DNAH17: variants seen among roughly 807,000 people sequenced by gnomAD.
DNAH17 encodes dynein axonemal heavy chain 17.
DNAH17 carries 376 observed loss-of-function variants against 485.6 expected under a neutral mutation model. That is an observed-to-expected ratio of 0.77 (90% confidence interval 0.71 to 0.84). DNAH17 has a LOEUF of 0.84. Ranked by LOEUF, DNAH17 falls within the 40% of genes least tolerant of loss-of-function variation. The pLI, the probability that DNAH17 is intolerant of heterozygous loss-of-function variation, is 0.00. For synonymous variants in DNAH17, 3,031 were observed against 2,405.9 expected (o/e 1.26, Z -7.60); for missense variants, 6,370 against 5,839.3 (o/e 1.09, Z -2.96).
rs757073890 is a variant in DNAH17, at chr17:78,425,397, T to C, written c.13090A>G (p.Met4364Val). The part of the protein sequence containing the change: ...VEVTKKNRED[M>V]TAPPREGSYV... ...GAGCCCTCTCGCGGAGGAGCGGTCA[T>C]GTCCTCTCGGTTTTTCTTGGTCACC... Residue 4364 changes from methionine to valine, a missense_variant, in exon 80 of 81, where the codon ATG becomes GTG. Coordinates refer to ENST00000389840, the MANE Select transcript of DNAH17 (RefSeq NM_173628.4). 6.8e-6 allele frequency: 11 copies of C among 1,614,040 alleles called. No individual in the cohort carries two copies. Among genetic ancestry groups the C allele is most frequent in the Middle Eastern group, 1.6e-4 (1 of 6,062 alleles).
chr17:78,459,655 G>A (rs2087996065), intron 60 of DNAH17, 129 bp downstream of exon 60: 2 of 985,258 alleles, frequency 2.0e-6, no homozygotes, highest in South Asian at 1.6e-5. Context: ...TGCTGTATGG[G>A]GAAGGGGCTG....
intron 17 of DNAH17, among the ~76,000 whole-genome samples, chr17:78,542,497 C>T (rs1338738652): frequency 6.6e-6 from 1 of 152,182 alleles, no homozygotes; most frequent in Admixed American, 6.5e-5. Context: ...CAATGCAAAG[C>T]TCCACCTTTC....
Position 78,548,202 on chromosome 17 carries a change from C to CTTTTTTTTTTTT in DNAH17, c.2391+3321_2391+3332dup, listed in dbSNP as rs34701814. ...GTTGTTATTTCGTAGATGTCATGGC[C>CTTTTTTTTTTTT]TTTTTTTTTTTTTTTTTTTGGAGAC... On this transcript the variant is annotated intron_variant, in intron 16 of 80. Transcript: ENST00000389840. 4.2e-3 allele frequency among the ~76,000 whole-genome samples: 335 copies of CTTTTTTTTTTTT among 80,120 alleles called. 47 individuals carry two copies. Among genetic ancestry groups the CTTTTTTTTTTTT allele is most frequent in the African/African-American group, 0.011 (213 of 18,720 alleles). 52.6% of individuals were successfully genotyped at this position (80,120 alleles called of 152,430 possible). A position where few individuals can be genotyped will look rare whatever the true frequency, so the allele number is the denominator to read the frequency against.
At chr17:78,455,095 A>T (rs1598477330) in intron 63 of DNAH17, among the ~76,000 whole-genome samples, 1 of 152,294 alleles carries the variant, frequency 6.6e-6, no homozygotes, top group East Asian at 1.9e-4. Flanking sequence ...GTTTTAGTAG[A>T]GACGAGGTTT....
Position 78,449,930 on chromosome 17 carries a change from C to T in DNAH17, c.11040+324G>A, listed in dbSNP as rs374660483. The T allele has an allele frequency of 3.0e-4, 136 of 451,124 alleles. 1 individual carries two copies. Among genetic ancestry groups the T allele is most frequent in the African/African-American group, 2.5e-3 (129 of 51,460 alleles). The allele number at this position is 451,124 out of a possible 1,614,324, so 27.9% of individuals were successfully genotyped here. A position where few individuals can be genotyped will look rare whatever the true frequency, so the allele number is the denominator to read the frequency against. On this transcript the variant is annotated intron_variant, in intron 68 of 80. Transcript: ENST00000389840. ...ACCTCAGGTGATCCACCCGCCTCGG[C>T]CCCCCATAGTGCTGAGATGACAGGC...
At chr17:78,432,323 G>T (rs554671326) in intron 75 of DNAH17, among the ~76,000 whole-genome samples, 22 of 152,308 alleles carry the variant, frequency 1.4e-4, no homozygotes, top group Admixed American at 4.6e-4. Context: ...GTGCCTCTGG[G>T]AGTGTTTTCA....
Position 78,459,145 on chromosome 17 carries a change from G to A in DNAH17, c.9717C>T (p.Ala3239=), listed in dbSNP as rs139000751. The change falls in exon 61 of 81, where the codon GCC becomes GCT. Residue 3239 remains alanine, a synonymous_variant. Coordinates refer to ENST00000389840, the MANE Select transcript of DNAH17 (RefSeq NM_173628.4). ...EFIRSKSTAA[A]GLCSWCINIV... ...TGTTGATGCACCAGGAGCACAGGCC[G>A]GCGGCGGCCGTGGACTTGGAGCGGA... 7.1e-5 allele frequency: 114 copies of A among 1,613,818 alleles called. No individual in the cohort carries two copies. Among genetic ancestry groups the A allele is most frequent in the African/African-American group, 4.3e-4 (32 of 74,936 alleles).
chr17:78,543,747 C>T lies in DNAH17; in HGVS notation c.2532+110G>A, dbSNP rs747766961. ...GCCAGGTCACAGACTTCTATGACTA[C>T]AAGAAATGTGTCACTAATCATTTTT... is the stretch of plus-strand genomic sequence containing the variant. On this transcript the variant is annotated intron_variant, in intron 17 of 80. Coordinates refer to ENST00000389840, the MANE Select transcript of DNAH17 (RefSeq NM_173628.4). The T allele has an allele frequency of 1.4e-5, 22 of 1,523,024 alleles. No homozygotes were observed. In the African/African-American group the frequency reaches 2.6e-4, roughly 18 times the overall value. The allele number at this position is 1,523,024 out of a possible 1,614,324, so 94.3% of individuals were successfully genotyped here.
intron 20 of DNAH17, among the ~76,000 whole-genome samples, chr17:78,531,337 CT>C (rs35874440): frequency 0.052 from 6,366 of 122,290 alleles, 100 homozygotes; most frequent in African/African-American, 0.089. Flanking sequence ...TAAAGTCTGT[CT>C]TTTTTTTTTT....
intron 62 of DNAH17, 92 bp from the exon 63 acceptor site, chr17:78,455,928 A>G: frequency 1.7e-6 from 2 of 1,144,338 alleles, no homozygotes; most frequent in Non-Finnish European, 2.4e-6. Context: ...GTGAATCTTC[A>G]GAGTTTCCCG....
intron 55 of DNAH17, among the ~76,000 whole-genome samples, chr17:78,467,837 G>T (rs1167634918): frequency 6.6e-6 from 1 of 152,102 alleles, no homozygotes; most frequent in African/African-American, 2.4e-5. Context: ...GGCCACCATG[G>T]TGAAATGCTG....
At chr17:78,427,547 T>G (rs933247817) in intron 77 of DNAH17, among the ~76,000 whole-genome samples, 7 of 152,174 alleles carry the variant, frequency 4.6e-5, no homozygotes, top group African/African-American at 1.4e-4. Flanking sequence ...GTCAGCCAAT[T>G]CCTGATTTCA....
At chr17:78,475,077 C>A (rs2088952985) in intron 54 of DNAH17, among the ~76,000 whole-genome samples, 1 of 152,194 alleles carries the variant, frequency 6.6e-6, no homozygotes, top group Non-Finnish European at 1.5e-5. Flanking sequence ...TCACACTCTT[C>A]ACCTCAGTCA....
chr17:78,530,937 G>A (rs759133989), intron 20 of DNAH17, among the ~76,000 whole-genome samples: 1 of 152,164 alleles, frequency 6.6e-6, no homozygotes, highest in Non-Finnish European at 1.5e-5. Flanking sequence ...TTGCCCACGG[G>A]GCCCTCTTTC....
intron 25 of DNAH17, among the ~76,000 whole-genome samples, chr17:78,516,820 C>T (rs1460372383): frequency 1.3e-5 from 2 of 151,892 alleles, no homozygotes; most frequent in Non-Finnish European, 2.9e-5. Flanking sequence ...TGTCTCCAAA[C>T]ATGTTTCTCC....
Position 78,525,111 on chromosome 17 carries a change from C to T in DNAH17, c.3762G>A (p.Lys1254=), listed in dbSNP as rs1463523815. The change falls in exon 25 of 81, where the codon AAG becomes AAA. Residue 1254 remains lysine (K), a synonymous_variant. Transcript: ENST00000389840. ...CGGGGACCTCGAACAGGCCCCCGGA[C>T]TTGGACAGCGCCTCCATGATGCCTT... ...AMEGIMEALS[K]SGGLFEVPVP... 6.2e-7 allele frequency: 1 copy of T among 1,613,850 alleles called. No homozygotes were observed. Among genetic ancestry groups the T allele is most frequent in the Non-Finnish European group, 8.5e-7 (1 of 1,179,884 alleles).
At chr17:78,426,279 G>A (rs1270172212) in intron 79 of DNAH17, among the ~76,000 whole-genome samples, 178 bp downstream of exon 79, 1 of 152,240 alleles carries the variant, frequency 6.6e-6, no homozygotes, top group East Asian at 1.9e-4. Flanking sequence ...GGAAATGGCT[G>A]CACTGTCAGG....
In DNAH17 at chr17:78,431,457, C is replaced by CCCA. The variant is rs1003682284; in HGVS notation, c.12226-2158_12226-2157insTGG. Among the ~76,000 whole-genome samples, 28 of 148,312 alleles carry CCCA rather than the reference C, an allele frequency of 1.9e-4. 1 individual carries two copies. The highest frequency in any genetic ancestry group is 6.3e-4 in the African/African-American group (24 of 38,212). ...CGTACCTGCTGAGGGAACCCCCCAC[C>CCCA]CCGAGACTCCTGGGGGAGCTGTAGC... On this transcript the variant is annotated intron_variant, in intron 75 of 80. Transcript: ENST00000389840.
intron 51 of DNAH17, among the ~76,000 whole-genome samples, chr17:78,478,403 AT>A (rs2089189434): frequency 6.6e-6 from 1 of 150,972 alleles, no homozygotes; most frequent in Non-Finnish European, 1.5e-5. Context: ...CAGCACCACC[AT>A]CACTACCACT....
Sources: allele counts gnomAD v4.1 joint callset (sites outside exome capture counted in the v4.1 genomes callset), GRCh38; gene constraint gnomAD v4.1.1; transcripts MANE v1.5; gene names NCBI Gene and HGNC (gene_info 2026-07-23, HGNC 2026-07-21).